SGCZ: variants seen among roughly 807,000 people sequenced by gnomAD.
SGCZ encodes sarcoglycan zeta, also known as zeta-sarcoglycan.
A neutral mutation model predicts 41.3 loss-of-function variants in SGCZ; 40 were observed. The ratio of observed to expected loss-of-function variants is 0.97; its 90% confidence interval spans 0.75 to 1.26. The LOEUF (loss-of-function observed/expected upper bound fraction) is 1.26, where lower values mean the gene tolerates loss of function less well. Ranked by LOEUF, SGCZ falls within the 50% of genes most tolerant of loss-of-function variation. The probability of loss-of-function intolerance (pLI) is 0.00; values close to 1 mark genes in which losing one functional copy is unlikely to be tolerated. For missense variants in SGCZ, 552 were observed against 369.8 expected, an observed-to-expected ratio of 1.49 and a Z score of -4.04; for synonymous variants, 206 against 137.5, an observed-to-expected ratio of 1.50 and a Z score of -3.49.
chr8:14,383,677 A>G (rs556934911), intron 2 of SGCZ, among the ~76,000 whole-genome samples: 12 of 152,334 alleles, frequency 7.9e-5, no homozygotes, highest in African/African-American at 2.9e-4. Flanking sequence ...TGCTGCAGGT[A>G]TAGAGAATGT....
intron 1 of SGCZ, among the ~76,000 whole-genome samples, chr8:14,594,004 G>GT (rs374804556): frequency 1.3e-5 from 2 of 151,762 alleles, no homozygotes; most frequent in African/African-American, 4.8e-5. Flanking sequence ...GTGAAACCCT[G>GT]CTTCTTCTAA....
intron 1 of SGCZ, among the ~76,000 whole-genome samples, chr8:14,761,535 A>ATTT (rs754016787): frequency 2.2e-3 from 301 of 135,810 alleles, no homozygotes; most frequent in East Asian, 0.01. Flanking sequence ...TTATTTATTT[A>ATTT]TTTATTTTTT....
intron 1 of SGCZ, among the ~76,000 whole-genome samples, chr8:15,226,518 C>CT (rs1801778601): frequency 6.6e-6 from 1 of 152,164 alleles, no homozygotes; most frequent in Non-Finnish European, 1.5e-5. Context: ...CAGGAGCCAT[C>CT]TTTTTCTCAT....
chr8:15,026,481 C>T (rs2130951289), intron 1 of SGCZ, among the ~76,000 whole-genome samples: 1 of 152,252 alleles, frequency 6.6e-6, no homozygotes. Context: ...AAAGTTTGCT[C>T]TTATGCATCA....
At chr8:14,872,419 A>G (rs1804195199) in intron 1 of SGCZ, among the ~76,000 whole-genome samples, 1 of 152,158 alleles carries the variant, frequency 6.6e-6, no homozygotes, top group South Asian at 2.1e-4. Flanking sequence ...TTTTTATTAT[A>G]AAAGTGGTTA....
At chr8:14,829,499 T>C (rs1008622899) in intron 1 of SGCZ, among the ~76,000 whole-genome samples, 2 of 152,146 alleles carry the variant, frequency 1.3e-5, no homozygotes, top group East Asian at 1.9e-4. Context: ...TGAACATCAA[T>C]AGGAAAGTAA....
intron 3 of SGCZ, among the ~76,000 whole-genome samples, chr8:14,291,683 A>G (rs1213314366): frequency 2.0e-4 from 2 of 10,122 alleles, no homozygotes; most frequent in Non-Finnish European, 7.2e-4. Context: ...TCGGAAACAT[A>G]TATATATATG....
chr8:14,094,339 G>A (rs1316193441), intron 7 of SGCZ, among the ~76,000 whole-genome samples: 1 of 151,824 alleles, frequency 6.6e-6, no homozygotes, highest in Non-Finnish European at 1.5e-5. Context: ...CCCTCCCTGT[G>A]TCCATGTATT....
intron 1 of SGCZ, among the ~76,000 whole-genome samples, chr8:14,803,736 G>A (rs965885507): frequency 3.0e-4 from 46 of 151,390 alleles, no homozygotes; most frequent in Admixed American, 5.3e-4. Flanking sequence ...CACAGCTCAA[G>A]GAGGCCTGCC....
At chr8:14,429,400 G>A (rs903146514) in intron 2 of SGCZ, among the ~76,000 whole-genome samples, 4 of 152,114 alleles carry the variant, frequency 2.6e-5, no homozygotes, top group East Asian at 1.9e-4. Context: ...AGTCACAAAC[G>A]TCAACACTTA....
At chr8:15,208,998 T>C (rs1801158742) in intron 1 of SGCZ, among the ~76,000 whole-genome samples, 1 of 151,996 alleles carries the variant, frequency 6.6e-6, no homozygotes, top group Admixed American at 6.6e-5. Context: ...AAAACTGAGT[T>C]CTTCAGAGTG....
intron 2 of SGCZ, among the ~76,000 whole-genome samples, chr8:14,455,712 T>G (rs1180668428): frequency 1.3e-5 from 2 of 152,178 alleles, no homozygotes; most frequent in Admixed American, 1.3e-4. Context: ...TGACCATACT[T>G]AGGAAAGTGG....
At chr8:14,666,137 TGC>T (rs759145573) in intron 1 of SGCZ, among the ~76,000 whole-genome samples, 1 of 152,158 alleles carries the variant, frequency 6.6e-6, no homozygotes, top group Non-Finnish European at 1.5e-5. Flanking sequence ...CTGATGTTTT[TGC>T]CAAGCATCCA....
intron 2 of SGCZ, among the ~76,000 whole-genome samples, chr8:14,336,057 T>G (rs909029562): frequency 6.6e-6 from 1 of 152,016 alleles, no homozygotes; most frequent in African/African-American, 2.4e-5. Flanking sequence ...TCTGATCTGC[T>G]CCCTCCTCCC....
intron 1 of SGCZ, among the ~76,000 whole-genome samples, chr8:15,230,265 C>T (rs1323228381): frequency 1.3e-5 from 2 of 151,488 alleles, no homozygotes; most frequent in Admixed American, 1.3e-4. Context: ...CAAATACTGT[C>T]ACTCTTCTTG....
At chr8:14,903,220 A>G (rs1015144042) in intron 1 of SGCZ, among the ~76,000 whole-genome samples, 11 of 152,224 alleles carry the variant, frequency 7.2e-5, no homozygotes, top group Non-Finnish European at 5.9e-5. Context: ...TCATCAAGCA[A>G]ATGTTTTTAA....
In SGCZ at chr8:14,941,991, C is replaced by T. The variant is rs7836353; in HGVS notation, c.39+295594G>A. ...ACACTGTTCCATGTATATCATCATACTATATTGGAATTTGGCTAATAGCCC... is the reference window on the plus strand; with the variant it reads ...ACACTGTTCCATGTATATCATCATATTATATTGGAATTTGGCTAATAGCCC... On this transcript the variant is annotated intron_variant, in intron 1 of 7. Transcript: ENST00000382080. 5.9e-3 allele frequency among the ~76,000 whole-genome samples: 890 copies of T among 151,946 alleles called. 9 individuals are homozygous for T. Among genetic ancestry groups the T allele is most frequent in the African/African-American group, 0.021 (850 of 41,458 alleles).
chr8:14,547,711 C>T (rs1044370566), intron 2 of SGCZ, among the ~76,000 whole-genome samples: 5 of 151,718 alleles, frequency 3.3e-5, no homozygotes, highest in African/African-American at 7.2e-5. Flanking sequence ...GATGAAGCAC[C>T]GAAGCCAGAG....
intron 1 of SGCZ, among the ~76,000 whole-genome samples, chr8:15,116,481 C>T (rs1585580198): frequency 6.6e-6 from 1 of 152,038 alleles, no homozygotes; most frequent in South Asian, 2.1e-4. Flanking sequence ...GATAAAAATG[C>T]CTTAGATCAA....
Sources: allele counts gnomAD v4.1 joint callset (sites outside exome capture counted in the v4.1 genomes callset), GRCh38; gene constraint gnomAD v4.1.1; transcripts MANE v1.5; gene names NCBI Gene and HGNC (gene_info 2026-07-23, HGNC 2026-07-21).